The following BAG6 variants were observed in gnomAD, a reference collection of about 807,000 sequenced individuals.
BAG6 encodes the protein large proline-rich protein BAG6.
A neutral mutation model predicts 121.0 loss-of-function variants in BAG6; 22 were observed. The observed-to-expected ratio is 0.18, with a 90% CI of 0.13 to 0.26. The LOEUF is 0.26. Among genes scored for constraint, BAG6 ranks in the 10% least tolerant of loss-of-function variants. The probability of loss-of-function intolerance (pLI) is 1.00; values close to 1 mark genes in which losing one functional copy is unlikely to be tolerated. For missense variants in BAG6, 1,233 were observed against 1,537.7 expected, an observed-to-expected ratio of 0.80 and a Z score of 3.31; for synonymous variants, 583 against 584.6, an observed-to-expected ratio of 1.00 and a Z score of 0.04.
chr6:31,641,852 C>T lies in BAG6; in HGVS notation c.2429G>A (p.Arg810Gln), dbSNP rs1166262596. ...GAAGGATCGCAGCTGGGGCTGGAGCCGTTGTAGTGGCTGGAAATGCCCATG... is the reference window on the plus strand; with the variant it reads ...GAAGGATCGCAGCTGGGGCTGGAGCTGTTGTAGTGGCTGGAAATGCCCATG... ...LLHGHFQPLQ[R>Q]LQPQLRSFFH... Residue 810 changes from arginine to glutamine, a missense_variant, in exon 17 of 26, where the codon CGG becomes CAG. Coordinates refer to ENST00000676615, the MANE Select transcript of BAG6 (RefSeq NM_001387994.1). The surrounding 1 kb of genome is among the most constrained non-coding windows in gnomAD (Gnocchi z 5.7). 1.2e-5 allele frequency: 19 copies of T among 1,612,878 alleles called. No homozygotes were observed. The highest frequency in any genetic ancestry group is 8.3e-5 in the Admixed American group (5 of 60,002).
In BAG6 at chr6:31,647,937, T is replaced by C. The variant is rs576998253; in HGVS notation, c.553-111A>G. 48 of 1,356,690 alleles carry C rather than the reference T, an allele frequency of 3.5e-5. 2 individuals carry two copies. In the South Asian group the frequency reaches 8.4e-4, roughly 24 times the overall value. 84.0% of individuals were successfully genotyped at this position (1,356,690 alleles called of 1,614,324 possible). A position where few individuals can be genotyped will look rare whatever the true frequency, so the allele number is the denominator to read the frequency against. On this transcript the variant is annotated intron_variant, in intron 6 of 25. Coordinates refer to ENST00000676615, the MANE Select transcript of BAG6 (RefSeq NM_001387994.1). ...ATCCTAACTAGACTCCCTGAAGGCA[T>C]GGCTCTGCAATTTTATCTCCGACTC...
intron 1 of BAG6, chr6:31,652,048 G>A (rs545417305): frequency 1.4e-5 from 5 of 357,794 alleles, no homozygotes; most frequent in Non-Finnish European, 2.1e-5. Flanking sequence ...AGATTAGGAA[G>A]GAAGCACGAG....
chr6:31,652,355 A>ACACACACACACACACACACACACC (rs1277723335), intron 1 of BAG6, 69 bp downstream of exon 1: 1 of 147,398 alleles, frequency 6.8e-6, no homozygotes, highest in African/African-American at 2.7e-5. Flanking sequence ...ACACACACAC[A>ACACACACACACACACACACACACC]CACACCCACC....
At chr6:31,646,654 GC>G in intron 7 of BAG6, 131 bp from the exon 8 acceptor site, 2 of 1,186,456 alleles carry the variant, frequency 1.7e-6, no homozygotes, top group Non-Finnish European at 1.1e-6. Flanking sequence ...CTCTGGACCA[GC>G]AGAGCTTCTA....
chr6:31,639,569 G>A lies in BAG6; in HGVS notation c.3324C>T (p.Pro1108=). The A allele has an allele frequency of 4.3e-6, 7 of 1,614,102 alleles. No homozygotes were observed. Among genetic ancestry groups the A allele is most frequent in the Non-Finnish European group, 5.9e-6 (7 of 1,179,988 alleles). The stretch of plus-strand genomic sequence containing the variant: ...GGCTCAGGCTCTCGGGGCTCGTCAG[G>A]GGCCGAGCTCCGGCTGCCTTAGCTG... ...SRAAKAAGAR[P]LTSPESLSRD... The change falls in exon 25 of 26, where the codon CCC becomes CCT. Residue 1108 remains proline, a synonymous_variant. Coordinates refer to ENST00000676615, the MANE Select transcript of BAG6 (RefSeq NM_001387994.1).
Position 31,645,213 on chromosome 6 carries a change from T to C in BAG6, c.1117-15A>G. 1 of 1,604,610 alleles carries C rather than the reference T, an allele frequency of 6.2e-7. No homozygotes were observed. Among genetic ancestry groups the C allele is most frequent in the Non-Finnish European group, 8.5e-7 (1 of 1,175,924 alleles). On this transcript the variant is annotated splice_polypyrimidine_tract_variant and intron_variant, in intron 9 of 25. Transcript: ENST00000676615. ...CCCACATTGATCTGAAAAAGACAGA[T>C]GGACAGGCAGATGTGAGAAAAATAC...
At chr6:31,649,036 C>T in intron 4 of BAG6, 72 bp from the exon 5 acceptor site, 1 of 1,502,552 alleles carries the variant, frequency 6.7e-7, no homozygotes, top group Non-Finnish European at 8.9e-7. Context: ...AATTCATTCC[C>T]TGGAGCCCTA....
chr6:31,650,713 A>G (rs1795543924), intron 2 of BAG6, among the ~76,000 whole-genome samples: 1 of 152,088 alleles, frequency 6.6e-6, no homozygotes, highest in African/African-American at 2.4e-5. Context: ...CTAACTACAA[A>G]CTGACTCTTG....
chr6:31,639,638 C>T lies in BAG6; in HGVS notation c.3255G>A (p.Gln1085=). 6.2e-7 allele frequency: 1 copy of T among 1,610,334 alleles called. No individual in the cohort carries two copies. Among genetic ancestry groups the T allele is most frequent in the Non-Finnish European group, 8.5e-7 (1 of 1,177,734 alleles). ...GMPAKRRKTM[Q]GEGPQLLLSE... ...AGAGAAGCAGCTGGGGGCCCTCACC[C>T]TGCATCGTCTGGGGGACAGGGGGTT... is the stretch of plus-strand genomic sequence containing the variant. Residue 1085 remains glutamine (Q), a synonymous_variant, in exon 25 of 26, where the codon CAG becomes CAA. Coordinates refer to ENST00000676615, the MANE Select transcript of BAG6 (RefSeq NM_001387994.1).
intron 24 of BAG6, 138 bp from the exon 25 acceptor site, chr6:31,639,784 T>TGTG (rs1780718687): frequency 8.9e-7 from 1 of 1,120,688 alleles, no homozygotes; most frequent in Admixed American, 3.0e-5. Flanking sequence ...GAGTCCAGGA[T>TGTG]GTGGTTTTTA....
chr6:31,641,924 G>A lies in BAG6; in HGVS notation c.2357C>T (p.Ser786Phe). The A allele has an allele frequency of 6.2e-7, 1 of 1,612,988 alleles. No individual in the cohort carries two copies. The highest frequency in any genetic ancestry group is 8.5e-7 in the Non-Finnish European group (1 of 1,180,004). The stretch of plus-strand genomic sequence containing the variant: ...CATAGAGAAGTTCTGGCACAGAAGA[G>A]AAAGCAAGGCCCCAAAGAATCCTGG... The part of the protein sequence containing the change: ...GALGFFGALL[S>F]LLCQNFSMVD... The change falls in exon 17 of 26, where the codon TCT becomes TTT. Residue 786 changes from serine to phenylalanine, a missense_variant. Physicochemically the swap from Ser to Phe is radical, Grantham distance 155 (BLOSUM62 -2). This residue lies in a region of BAG6 where 288 missense variants were observed against 483.1 expected (regional missense o/e 0.60). Coordinates refer to ENST00000676615, the MANE Select transcript of BAG6 (RefSeq NM_001387994.1). The surrounding 1 kb of genome is among the most constrained non-coding windows in gnomAD (Gnocchi z 5.7).
chr6:31,644,815 G>T lies in BAG6; in HGVS notation c.1369+131C>A. The T allele has an allele frequency of 7.0e-7, 1 of 1,433,692 alleles. No individual in the cohort carries two copies. The highest frequency in any genetic ancestry group is 1.3e-5 in the South Asian group (1 of 76,784). 88.8% of individuals were successfully genotyped at this position (1,433,692 alleles called of 1,614,324 possible). On this transcript the variant is annotated intron_variant, in intron 10 of 25. Coordinates refer to ENST00000676615, the MANE Select transcript of BAG6 (RefSeq NM_001387994.1). This position sits in a 1 kb window ranked among gnomAD's most constrained non-coding sequence, Gnocchi z 4.9. ...ACACCCCCCACATCTGTCTACTTAA[G>T]CTTCTGCTCTGGTCCCCAGGCTACC...
chr6:31,645,810 T>TA (rs1788501293), intron 8 of BAG6, among the ~76,000 whole-genome samples: 1 of 152,234 alleles, frequency 6.6e-6, no homozygotes, highest in Admixed American at 6.5e-5. Context: ...CTACTATGAA[T>TA]CAGTAAGTCA....
rs1368125639 is a variant in BAG6 at position 31,639,197 on chromosome 6, C to T, written c.3423G>A (p.Gln1141=). The T allele has an allele frequency of 6.2e-7, 1 of 1,613,892 alleles. No homozygotes were observed. Among genetic ancestry groups the T allele is most frequent in the Non-Finnish European group, 8.5e-7 (1 of 1,179,922 alleles). Residue 1141 remains glutamine (Q), a synonymous_variant, in exon 26 of 26, where the codon CAG becomes CAA. Coordinates refer to ENST00000676615, the MANE Select transcript of BAG6 (RefSeq NM_001387994.1). ...GCTGGGGACTGTAGTTGGGGTCTTCCTGCAGTCGTTTTTGTATATCAGACC... is the reference window on the plus strand; with the variant it reads ...GCTGGGGACTGTAGTTGGGGTCTTCTTGCAGTCGTTTTTGTATATCAGACC... ...QLRSDIQKRL[Q]EDPNYSPQRF... is the part of the protein sequence containing the mutation.
intron 2 of BAG6, 83 bp downstream of exon 2, chr6:31,651,573 G>T: frequency 7.9e-7 from 1 of 1,258,346 alleles, no homozygotes; most frequent in Non-Finnish European, 1.1e-6. Context: ...CTGGTGACCA[G>T]AAAATCAAGC....
intron 4 of BAG6, 88 bp from the exon 5 acceptor site, chr6:31,649,052 T>C: frequency 6.7e-7 from 1 of 1,496,932 alleles, no homozygotes; most frequent in Non-Finnish European, 9.0e-7. Flanking sequence ...CCCTACCTCC[T>C]TTTCTCCTTA....
At position 31,647,611 on chromosome 6, in the gene BAG6, G is replaced by A. The variant is rs1461386739; in HGVS notation, c.768C>T (p.Ala256=). ...CTCACTTGGGTGCATTTGTTTCCGG[G>A]GCAGGTGTTGGGCCCGCTGGGGCTG... ...PGPAPAGPTP[A]PETNAPNHPS... is the part of the protein sequence containing the mutation. Residue 256 remains alanine, a synonymous_variant, in exon 7 of 26, where the codon GCC becomes GCT. Coordinates refer to ENST00000676615, the MANE Select transcript of BAG6 (RefSeq NM_001387994.1). 3.1e-6 allele frequency: 5 copies of A among 1,608,914 alleles called. No homozygotes were observed. Among genetic ancestry groups the A allele is most frequent in the Non-Finnish European group, 4.2e-6 (5 of 1,178,414 alleles).
intron 24 of BAG6, 122 bp from the exon 25 acceptor site, chr6:31,639,768 A>T: frequency 1.6e-6 from 2 of 1,212,288 alleles, no homozygotes; most frequent in Non-Finnish European, 2.3e-6. Context: ...AGAGAGGGGA[A>T]ATTAAGAGTC....
rs1484703871 is a variant in BAG6 at position 31,652,612 on chromosome 6, CGAG to C, written c.-205_-203del. On this transcript the variant is annotated 5_prime_UTR_variant, in exon 1 of 26. Coordinates refer to ENST00000676615, the MANE Select transcript of BAG6 (RefSeq NM_001387994.1). Reference sequence around the variant, plus strand: ...CTAGGTGGGAGGGAGCCGAGCACCCCGAGGAGCCGCCACCGCTGTCGCCCGGGG... The same window carrying C: ...CTAGGTGGGAGGGAGCCGAGCACCCCGAGCCGCCACCGCTGTCGCCCGGGG... 1 of 152,420 alleles carries C rather than the reference CGAG, an allele frequency of 6.6e-6. No individual in the cohort carries two copies. The highest frequency in any genetic ancestry group is 1.5e-5 in the Non-Finnish European group (1 of 68,138). The allele number at this position is 152,420 out of a possible 1,614,324, so 9.4% of individuals were successfully genotyped here.
Sources: gnomAD v4.1 joint callset for allele counts (sites outside exome capture counted in the v4.1 genomes callset) on GRCh38, gnomAD v4.1.1 for gene constraint, gnomAD v4.1.1 regional missense constraint, Gnocchi (gnomAD v3.1) non-coding constraint, MANE v1.5 for transcripts, NCBI Gene and HGNC (gene_info 2026-07-23, HGNC 2026-07-21) for gene names.